Variants in NALF1 observed in about 807,000 individuals in gnomAD.
NALF1 encodes the protein family with sequence similarity 155 member A.
Under a neutral mutation model 48.4 loss-of-function variants are expected in NALF1, and 3 were observed. The ratio of observed to expected loss-of-function variants is 0.06; its 90% confidence interval spans 0.03 to 0.16. NALF1 has a LOEUF of 0.16. Ranked by LOEUF, NALF1 falls within the 10% of genes least tolerant of loss-of-function variation. The pLI is 1.00. For missense variants in NALF1, 526 were observed against 571.5 expected, an observed-to-expected ratio of 0.92 and a Z score of 0.81; for synonymous variants, 262 against 245.7, an observed-to-expected ratio of 1.07 and a Z score of -0.62.
intron 1 of NALF1, among the ~76,000 whole-genome samples, chr13:107,483,504 C>A (rs1479178915): frequency 6.6e-6 from 1 of 152,070 alleles, no homozygotes; most frequent in Non-Finnish European, 1.5e-5. Flanking sequence ...TATGTTACAG[C>A]AATCTATAAA....
chr13:107,395,266 A>C (rs1321755717), intron 1 of NALF1, among the ~76,000 whole-genome samples: 5 of 152,158 alleles, frequency 3.3e-5, no homozygotes, highest in South Asian at 2.1e-4. Context: ...CATTCATTAC[A>C]CTTATACCTT....
intron 1 of NALF1, among the ~76,000 whole-genome samples, chr13:107,284,179 A>G (rs1171255179): frequency 1.3e-5 from 2 of 152,136 alleles, no homozygotes; most frequent in Non-Finnish European, 2.9e-5. Context: ...TTAGATATAC[A>G]GGGGGAATTT....
chr13:107,487,993 G>A (rs1177565607), intron 1 of NALF1, among the ~76,000 whole-genome samples: 2 of 151,634 alleles, frequency 1.3e-5, no homozygotes, highest in Non-Finnish European at 1.5e-5. Context: ...TTCTAGTCCA[G>A]TCTTGAGAGT....
chr13:107,224,357 T>C (rs2138818451), intron 1 of NALF1, among the ~76,000 whole-genome samples: 1 of 151,076 alleles, frequency 6.6e-6, no homozygotes, highest in South Asian at 2.1e-4. Flanking sequence ...AATGCATGTT[T>C]ACATTCATCA....
At chr13:107,285,518 G>A (rs1039338128) in intron 1 of NALF1, among the ~76,000 whole-genome samples, 1 of 152,132 alleles carries the variant, frequency 6.6e-6, no homozygotes, top group Admixed American at 6.5e-5. Flanking sequence ...AAAACCCACT[G>A]TGTACACTTG....
chr13:107,652,304 T>C (rs1364916208), intron 1 of NALF1, among the ~76,000 whole-genome samples: 1 of 152,212 alleles, frequency 6.6e-6, no homozygotes, highest in Non-Finnish European at 1.5e-5. Context: ...GTTATTAAGA[T>C]TGTTTAAAAG....
chr13:107,363,589 G>T (rs1883102476), intron 1 of NALF1, among the ~76,000 whole-genome samples: 1 of 152,144 alleles, frequency 6.6e-6, no homozygotes, highest in African/African-American at 2.4e-5. Flanking sequence ...ATGAAACAGT[G>T]AATGGACTGT....
At chr13:107,452,687 T>G (rs1207618918) in intron 1 of NALF1, among the ~76,000 whole-genome samples, 1 of 152,186 alleles carries the variant, frequency 6.6e-6, no homozygotes, top group African/African-American at 2.4e-5. Context: ...AAACCAATCA[T>G]GCCTTCCCAA....
At chr13:107,638,936 A>G (rs1880068313) in intron 1 of NALF1, among the ~76,000 whole-genome samples, 1 of 152,158 alleles carries the variant, frequency 6.6e-6, no homozygotes, top group South Asian at 2.1e-4. Flanking sequence ...GAAGAATCAG[A>G]GACACTGATG....
At chr13:107,592,683 T>A (rs1169972912) in intron 1 of NALF1, among the ~76,000 whole-genome samples, 1 of 151,904 alleles carries the variant, frequency 6.6e-6, no homozygotes. Flanking sequence ...AGAAAACATT[T>A]ACTCATTTTT....
chr13:107,568,271 A>C (rs1366012117), intron 1 of NALF1, among the ~76,000 whole-genome samples: 1 of 152,242 alleles, frequency 6.6e-6, no homozygotes, highest in African/African-American at 2.4e-5. Flanking sequence ...GTGGGCCACC[A>C]TACGCAGCCT....
At chr13:107,707,704 C>A (rs1202288679) in intron 1 of NALF1, among the ~76,000 whole-genome samples, 1 of 152,202 alleles carries the variant, frequency 6.6e-6, no homozygotes, top group Admixed American at 6.5e-5. Context: ...TGAGGGTAGA[C>A]TTCATTGCTC....
At chr13:107,613,000 G>GA (rs34831534) in intron 1 of NALF1, among the ~76,000 whole-genome samples, 24,079 of 144,528 alleles carry the variant, frequency 0.17, 1,867 homozygotes, top group Middle Eastern at 0.22. Flanking sequence ...TTCCCACAAT[G>GA]AGAAAAAAAA....
intron 1 of NALF1, among the ~76,000 whole-genome samples, chr13:107,627,060 T>C (rs1005817737): frequency 6.6e-6 from 1 of 152,134 alleles, no homozygotes; most frequent in Non-Finnish European, 1.5e-5. Flanking sequence ...AATTTCAAAA[T>C]GGCATAGTAC....
In NALF1 at chr13:107,338,600, C is replaced by T. The variant is rs114141859; in HGVS notation, c.916-127845G>A. Among the ~76,000 whole-genome samples, 902 of 152,198 alleles carry T rather than the reference C, an allele frequency of 5.9e-3. 10 individuals carry two copies. The highest frequency in any genetic ancestry group is 0.02 in the African/African-American group (848 of 41,528). On this transcript the variant is annotated intron_variant, in intron 1 of 2. Coordinates refer to ENST00000375915, the MANE Select transcript of NALF1 (RefSeq NM_001080396.3). ...TGTTTTCCCATCTGTAAAATAAAGA[C>T]AATAATTGACCAGCCTCATGGGTCT...
At chr13:107,422,260 A>G (rs7327707) in intron 1 of NALF1, among the ~76,000 whole-genome samples, 43,576 of 152,036 alleles carry the variant, frequency 0.29, 6,436 homozygotes, top group African/African-American at 0.35. Context: ...AGATTGATAC[A>G]AAAATATGCT....
intron 1 of NALF1, among the ~76,000 whole-genome samples, chr13:107,713,123 G>A (rs926434005): frequency 1.3e-5 from 2 of 152,174 alleles, no homozygotes; most frequent in African/African-American, 4.8e-5. Flanking sequence ...AGGGGCTACG[G>A]CAAAGCAGCA....
At chr13:107,434,196 AC>A (rs930557647) in intron 1 of NALF1, among the ~76,000 whole-genome samples, 1 of 152,166 alleles carries the variant, frequency 6.6e-6, no homozygotes, top group African/African-American at 2.4e-5. Flanking sequence ...TATTGAGTTG[AC>A]CATTATTGTG....
chr13:107,716,727 C>T (rs1207743020), intron 1 of NALF1, among the ~76,000 whole-genome samples: 1 of 152,166 alleles, frequency 6.6e-6, no homozygotes, highest in East Asian at 1.9e-4. Flanking sequence ...ATAAGGTTAT[C>T]ACACAGCTGT....
Sources: gnomAD v4.1 joint callset for allele counts (sites outside exome capture counted in the v4.1 genomes callset) on GRCh38, gnomAD v4.1.1 for gene constraint, MANE v1.5 for transcripts, NCBI Gene and HGNC (gene_info 2026-07-23, HGNC 2026-07-21) for gene names.